Variants in CHRNA7 observed in about 807,000 individuals in gnomAD.
The protein encoded by CHRNA7 is cholinergic receptor nicotinic alpha 7 subunit.
In CHRNA7, 17 loss-of-function variants were observed where a neutral mutation model predicts 48.0. That is an observed-to-expected ratio of 0.35 (90% confidence interval 0.24 to 0.53). The LOEUF (loss-of-function observed/expected upper bound fraction) is 0.53, where lower values mean the gene tolerates loss of function less well. Ranked by LOEUF, CHRNA7 falls within the 20% of genes least tolerant of loss-of-function variation. The pLI is 0.92. For synonymous variants in CHRNA7, 75 were observed against 242.3 expected (o/e 0.31, Z 6.41); for missense variants, 155 against 577.7 (o/e 0.27, Z 7.50).
At chr15:32,095,644 A>G (rs1003152845) in intron 2 of CHRNA7, among the ~76,000 whole-genome samples, 1 of 152,082 alleles carries the variant, frequency 6.6e-6, no homozygotes, top group Admixed American at 6.5e-5. Context: ...GCCTCCGCAA[A>G]CCTCTATGGA....
chr15:32,112,387 T>C (rs112573052), intron 4 of CHRNA7: 34 of 456,892 alleles, frequency 7.4e-5, no homozygotes, highest in African/African-American at 6.4e-4. Context: ...CTGTCATCTC[T>C]AGCTGCATGC....
At chr15:32,114,059 T>TATATATACACAC (rs1187735599) in intron 4 of CHRNA7, among the ~76,000 whole-genome samples, 2 of 38,358 alleles carry the variant, frequency 5.2e-5, no homozygotes, top group African/African-American at 1.3e-4. Context: ...TATATATATA[T>TATATATACACAC]ACATATATAT....
intron 2 of CHRNA7, among the ~76,000 whole-genome samples, chr15:32,060,141 C>G (rs2049855694): frequency 6.6e-6 from 1 of 151,962 alleles, no homozygotes; most frequent in African/African-American, 2.4e-5. Context: ...GGCATTAAGC[C>G]TAATTGTCAG....
At chr15:32,086,501 T>A (rs1275653404) in intron 2 of CHRNA7, among the ~76,000 whole-genome samples, 1 of 152,178 alleles carries the variant, frequency 6.6e-6, no homozygotes, top group Non-Finnish European at 1.5e-5. Context: ...GTGAGTATCC[T>A]CTTGCATCAG....
intron 3 of CHRNA7, 36 bp from the exon 4 acceptor site, chr15:32,111,754 G>A (rs781363844): frequency 8.0e-7 from 1 of 1,254,798 alleles, no homozygotes; most frequent in South Asian, 1.3e-5. Flanking sequence ...AGTAGCCAAG[G>A]AAGTGAAGTG....
At chr15:32,100,975 C>T in intron 2 of CHRNA7, 2 of 244,452 alleles carry the variant, frequency 8.2e-6, no homozygotes, top group Middle Eastern at 1.3e-3. Context: ...TTTTTTTAAG[C>T]ATATGAATTA....
intron 1 of CHRNA7, 99 bp from the exon 2 acceptor site, chr15:32,030,799 G>T: frequency 6.6e-7 from 1 of 1,524,590 alleles, no homozygotes. Context: ...GCTTGTCTGG[G>T]CTGCACCGGG....
chr15:32,075,580 TTCTC>T (rs987404138), intron 2 of CHRNA7, among the ~76,000 whole-genome samples: 3 of 152,128 alleles, frequency 2.0e-5, no homozygotes, highest in Non-Finnish European at 2.9e-5. Context: ...TATTTGAATC[TTCTC>T]TCTTTTTTCT....
At chr15:32,032,097 T>C (rs927511662) in intron 2 of CHRNA7, among the ~76,000 whole-genome samples, 1 of 152,236 alleles carries the variant, frequency 6.6e-6, no homozygotes, top group African/African-American at 2.4e-5. Context: ...TGATGAATGG[T>C]ATATCACTTA....
chr15:32,120,778 G>A (rs1367045392), intron 4 of CHRNA7, among the ~76,000 whole-genome samples: 5 of 152,244 alleles, frequency 3.3e-5, no homozygotes, highest in East Asian at 1.9e-4. Flanking sequence ...GAAGCTAATC[G>A]TGCCCAAGAG....
At position 32,030,918 on chromosome 15, in the gene CHRNA7, C is replaced by G. The variant is rs200918575; in HGVS notation, c.76C>G (p.Gln26Glu). The G allele has an allele frequency of 6.2e-6, 10 of 1,614,126 alleles. No individual in the cohort carries two copies. The South Asian group carries it at 8.8e-5, about 14-fold the overall frequency. Residue 26 changes from glutamine (Q) to glutamate (E), a missense_variant, in exon 2 of 10, where the codon CAG becomes GAG. By Grantham distance (29) the Gln-to-Glu change is conservative. Coordinates refer to ENST00000306901, the MANE Select transcript of CHRNA7 (RefSeq NM_000746.6). The part of the protein sequence containing the change: ...LLHVSLQGEF[Q>E]RKLYKELVKN... ...TTAAGTGTCCCTGCAAGGCGAGTTC[C>G]AGAGGAAGCTTTACAAGGAGCTGGT...
rs755117831 is a variant in CHRNA7, at chr15:32,111,882, C to T, written c.333C>T (p.Asp111=). 1 of 1,605,674 alleles carries T rather than the reference C, an allele frequency of 6.2e-7. No homozygotes were observed. The highest frequency in any genetic ancestry group is 1.1e-5 in the South Asian group (1 of 90,876). The change falls in exon 4 of 10, where the codon GAC becomes GAT. Residue 111 remains aspartate (D), a synonymous_variant. Transcript: ENST00000306901. ...CAGATGGCCAGATTTGGAAACCAGA[C>T]ATTCTTCTCTATAACAGGTAAGCAT... ...RFPDGQIWKP[D]ILLYNSADER...
At chr15:32,096,896 A>G (rs914847880) in intron 2 of CHRNA7, among the ~76,000 whole-genome samples, 2 of 152,196 alleles carry the variant, frequency 1.3e-5, no homozygotes, top group African/African-American at 4.8e-5. Flanking sequence ...CGTTGACTCG[A>G]GGGTGCCTTG....
At position 32,064,511 on chromosome 15, in the gene CHRNA7, G is replaced by A. The variant is rs547227585; in HGVS notation, c.195+33474G>A. On this transcript the variant is annotated intron_variant, in intron 2 of 9. Transcript: ENST00000306901. Reference sequence around the variant, plus strand: ...TGTGTGTATGTGTGTGTATGTGTGTGTGTGGTGTGTGCAGGCAGGGGGTTC... The same window carrying A: ...TGTGTGTATGTGTGTGTATGTGTGTATGTGGTGTGTGCAGGCAGGGGGTTC... Among the ~76,000 whole-genome samples, 24 of 152,100 alleles carry A rather than the reference G, an allele frequency of 1.6e-4. No homozygotes were observed. In the East Asian group the frequency reaches 3.9e-3, roughly 24 times the overall value.
At position 32,111,880 on chromosome 15, in the gene CHRNA7, G is replaced by GAC; in HGVS notation, c.333_334dup (p.Ile112ThrfsTer22). 1 of 1,608,162 alleles carries GAC rather than the reference G, an allele frequency of 6.2e-7. No homozygotes were observed. Among genetic ancestry groups the GAC allele is most frequent in the Non-Finnish European group, 8.5e-7 (1 of 1,174,544 alleles). ...CCCAGATGGCCAGATTTGGAAACCA[G>GAC]ACATTCTTCTCTATAACAGGTAAGC... On this transcript the variant is annotated frameshift_variant, in exon 4 of 10. Coordinates refer to ENST00000306901, the MANE Select transcript of CHRNA7 (RefSeq NM_000746.6). LOFTEE classifies it high-confidence loss of function.
chr15:32,049,520 A>T (rs1029372588), intron 2 of CHRNA7, among the ~76,000 whole-genome samples: 1 of 151,932 alleles, frequency 6.6e-6, no homozygotes, highest in African/African-American at 2.4e-5. Flanking sequence ...TCCATCCTTT[A>T]ATTTTGAGGC....
rs1347392344 is a variant in CHRNA7, at chr15:32,149,594, A to T, written c.351-4313A>T. Among the ~76,000 whole-genome samples the T allele has an allele frequency of 2.6e-5, 4 of 152,244 alleles. No individual in the cohort carries two copies. In the East Asian group the frequency reaches 7.7e-4, roughly 29 times the overall value. Reference sequence around the variant, plus strand: ...GAGTTTACTTTTATACTATGTACTTATAAAATCAATTTGCCTATGGGAAAG... The same window carrying T: ...GAGTTTACTTTTATACTATGTACTTTTAAAATCAATTTGCCTATGGGAAAG... On this transcript the variant is annotated intron_variant, in intron 4 of 9. Coordinates refer to ENST00000306901, the MANE Select transcript of CHRNA7 (RefSeq NM_000746.6). This position sits in a 1 kb window ranked among gnomAD's most constrained non-coding sequence, Gnocchi z 4.6.
At chr15:32,152,680 T>A (rs1325012230) in intron 4 of CHRNA7, among the ~76,000 whole-genome samples, 1 of 152,148 alleles carries the variant, frequency 6.6e-6, no homozygotes, top group Non-Finnish European at 1.5e-5. Context: ...CCTGCAGTGA[T>A]GAGAGCAGGA....
At chr15:32,033,044 T>C (rs1309098145) in intron 2 of CHRNA7, among the ~76,000 whole-genome samples, 1 of 152,120 alleles carries the variant, frequency 6.6e-6, no homozygotes. Flanking sequence ...GACATTCCAG[T>C]GTCCTTAGGA....
Sources: gnomAD v4.1 joint callset for allele counts (sites outside exome capture counted in the v4.1 genomes callset) on GRCh38, gnomAD v4.1.1 for gene constraint, Gnocchi (gnomAD v3.1) non-coding constraint, MANE v1.5 for transcripts, NCBI Gene and HGNC (gene_info 2026-07-23, HGNC 2026-07-21) for gene names.